Variants in KLHL6 observed in about 807,000 individuals in gnomAD.
KLHL6 encodes the protein kelch like family member 6.
In KLHL6, 41 loss-of-function variants were observed where a neutral mutation model predicts 58.6. The observed-to-expected ratio is 0.70, with a 90% CI of 0.55 to 0.91. The LOEUF is 0.91. KLHL6 is among the 40% of genes least tolerant of loss of function. KLHL6 has a pLI of 0.00. For synonymous variants in KLHL6, 338 were observed against 322.7 expected (o/e 1.05, Z -0.51); for missense variants, 714 against 805.6 (o/e 0.89, Z 1.38).
In KLHL6 at chr3:183,503,689, G is replaced by T. The variant is rs540282972; in HGVS notation, c.910-3862C>A. Among the ~76,000 whole-genome samples, 3 of 152,310 alleles carry T rather than the reference G, an allele frequency of 2.0e-5. No homozygotes were observed. The East Asian group carries it at 5.8e-4, about 29-fold the overall frequency. ...ATCTACTCAGGAGGCTGAGGCAGGA[G>T]AATCTCTTGAACCTGGGAGGCAGAG... is the stretch of plus-strand genomic sequence containing the variant. On this transcript the variant is annotated intron_variant, in intron 3 of 6. Transcript: ENST00000341319.
chr3:183,538,298 G>A (rs1203387383), intron 1 of KLHL6, among the ~76,000 whole-genome samples: 1 of 151,994 alleles, frequency 6.6e-6, no homozygotes, highest in African/African-American at 2.4e-5. Flanking sequence ...CCACACCTCT[G>A]AACTCCCTGC....
intron 5 of KLHL6, chr3:183,493,783 G>C (rs1422723659): frequency 4.9e-6 from 2 of 411,858 alleles, no homozygotes; most frequent in Non-Finnish European, 8.9e-6. Context: ...TGCAGACCAA[G>C]AGATCTCCCA....
intron 1 of KLHL6, among the ~76,000 whole-genome samples, chr3:183,551,459 G>A (rs1205713115): frequency 6.6e-6 from 1 of 152,178 alleles, no homozygotes. Flanking sequence ...GAAAAAATGA[G>A]TGAATTAATA....
chr3:183,544,858 C>T (rs1409906071), intron 1 of KLHL6: 1 of 152,622 alleles, frequency 6.6e-6, no homozygotes, highest in Non-Finnish European at 1.5e-5. Context: ...CATTGTGCCC[C>T]ACCTCCCTGG....
chr3:183,507,808 C>T (rs559014444), intron 3 of KLHL6, among the ~76,000 whole-genome samples: 12 of 152,248 alleles, frequency 7.9e-5, no homozygotes, highest in East Asian at 1.9e-4. Context: ...AGAGGAAGCA[C>T]GGGCCAGGCA....
intron 1 of KLHL6, among the ~76,000 whole-genome samples, chr3:183,551,824 T>C (rs577185298): frequency 1.8e-4 from 27 of 152,314 alleles, no homozygotes; most frequent in African/African-American, 6.3e-4. Context: ...TTTTTCATTA[T>C]AAGCCTTTAA....
At chr3:183,546,357 A>G (rs1712719667) in intron 1 of KLHL6, among the ~76,000 whole-genome samples, 1 of 152,248 alleles carries the variant, frequency 6.6e-6, no homozygotes, top group Non-Finnish European at 1.5e-5. Context: ...TGATATCAAC[A>G]AGCCCAGTCG....
intron 1 of KLHL6, 151 bp from the exon 2 acceptor site, chr3:183,528,161 C>G: frequency 7.7e-6 from 6 of 775,158 alleles, no homozygotes; most frequent in Middle Eastern, 2.4e-4. Context: ...CCAGCACCCC[C>G]TACGCATTAG....
chr3:183,554,787 T>C (rs1225636359), intron 1 of KLHL6, among the ~76,000 whole-genome samples: 1 of 152,230 alleles, frequency 6.6e-6, no homozygotes, highest in East Asian at 1.9e-4. Flanking sequence ...CAAGGAAATA[T>C]ACACAAAAGG....
At chr3:183,552,310 C>A (rs1407845937) in intron 1 of KLHL6, 5 of 152,178 alleles carry the variant, frequency 3.3e-5, no homozygotes, top group Non-Finnish European at 7.3e-5. Context: ...GTTTAATAAA[C>A]TATTGTCAGT....
At chr3:183,532,253 G>C (rs1712186898) in intron 1 of KLHL6, among the ~76,000 whole-genome samples, 1 of 152,228 alleles carries the variant, frequency 6.6e-6, no homozygotes, top group African/African-American at 2.4e-5. Flanking sequence ...ACCGAGGAAA[G>C]GCCATGTGAG....
At chr3:183,509,320 T>A (rs1426762759) in intron 2 of KLHL6, among the ~76,000 whole-genome samples, 1 of 152,222 alleles carries the variant, frequency 6.6e-6, no homozygotes, top group African/African-American at 2.4e-5. Context: ...TGAAGAAGAA[T>A]CCTTATTTTT....
chr3:183,491,934 G>A lies in KLHL6; in HGVS notation c.1859C>T (p.Ser620Phe). ...CAGCTCCCCATCCTGCCGTCAGACA[G>A]ACACTGCTCCGGGCACGATCCTGCG... ...HIRRIVPGAVSV is the reference protein window; with the variant it reads ...HIRRIVPGAVFV The change falls in exon 7 of 7, where the codon TCT (serine) becomes TTT (phenylalanine). Residue 620 changes from serine to phenylalanine, a missense_variant. Ser to Phe is a radical substitution (Grantham distance 155, BLOSUM62 -2). Around this residue, in one of 2 missense-constraint regions of KLHL6, gnomAD observed 510 missense variants for 629.7 expected, o/e 0.81. Transcript: ENST00000341319. The A allele has an allele frequency of 1.3e-6, 2 of 1,488,904 alleles. No individual in the cohort carries two copies. The highest frequency in any genetic ancestry group is 1.4e-5 in the African/African-American group (1 of 71,264). The allele number at this position is 1,488,904 out of a possible 1,614,324, so 92.2% of individuals were successfully genotyped here.
Position 183,494,063 on chromosome 3 carries a change from A to C in KLHL6, c.1350+16T>G, listed in dbSNP as rs1003720625. ...TAATAATACAGGCAGTTACTGGTAG[A>C]AATCGTGTCCTATACCTCTGACCAG... On this transcript the variant is annotated intron_variant, in intron 5 of 6. Coordinates refer to ENST00000341319, the MANE Select transcript of KLHL6 (RefSeq NM_130446.4). 25 of 1,609,520 alleles carry C rather than the reference A, an allele frequency of 1.6e-5. No individual in the cohort carries two copies. In the African/African-American group the frequency reaches 2.7e-4, roughly 17 times the overall value.
chr3:183,535,737 G>A (rs1478795389), intron 1 of KLHL6, among the ~76,000 whole-genome samples: 2 of 152,070 alleles, frequency 1.3e-5, no homozygotes, highest in African/African-American at 4.8e-5. Flanking sequence ...GGCTCTCTAG[G>A]GTCATCTGGA....
chr3:183,494,759 GA>G (rs1425561908), intron 4 of KLHL6, among the ~76,000 whole-genome samples: 1 of 152,210 alleles, frequency 6.6e-6, no homozygotes, highest in African/African-American at 2.4e-5. Context: ...TACAGACCTG[GA>G]AAAATCACTA....
At chr3:183,518,420 T>A (rs1226504987) in intron 2 of KLHL6, among the ~76,000 whole-genome samples, 3 of 152,180 alleles carry the variant, frequency 2.0e-5, no homozygotes, top group African/African-American at 7.2e-5. Context: ...TCCACATTTT[T>A]AATCTTTATA....
chr3:183,507,878 G>A (rs570108877), intron 3 of KLHL6, among the ~76,000 whole-genome samples, 181 bp downstream of exon 3: 70 of 152,236 alleles, frequency 4.6e-4, no homozygotes, highest in African/African-American at 1.7e-3. Flanking sequence ...GAACACGTGG[G>A]ATCGGCCTCA....
In KLHL6 at chr3:183,494,117, C is replaced by G; in HGVS notation, c.1312G>C (p.Val438Leu). The G allele has an allele frequency of 6.2e-7, 1 of 1,614,162 alleles. No homozygotes were observed. The highest frequency in any genetic ancestry group is 8.5e-7 in the Non-Finnish European group (1 of 1,180,032). Residue 438 changes from valine (V) to leucine (L), a missense_variant, in exon 5 of 7, where the codon GTG (valine) becomes CTG (leucine). Val to Leu is a conservative substitution (Grantham distance 32). This residue lies in a region of KLHL6 where 510 missense variants were observed against 629.7 expected (regional missense o/e 0.81). Transcript: ENST00000341319. ...TTGTGAAAGGGGTCGTAGGTCTCCA[C>G]ATTGTTGATTCTCTGTAAGCCGTCA... is the stretch of plus-strand genomic sequence containing the variant. ...GFDGLQRINN[V>L]ETYDPFHNCW...
Sources: allele counts gnomAD v4.1 joint callset (sites outside exome capture counted in the v4.1 genomes callset), GRCh38; gene constraint gnomAD v4.1.1; regional missense constraint gnomAD v4.1.1; transcripts MANE v1.5; gene names NCBI Gene and HGNC (gene_info 2026-07-23, HGNC 2026-07-21).